Variants in WWOX observed in about 807,000 individuals in gnomAD.
WWOX encodes the protein WW domain-containing oxidoreductase.
In WWOX, 69 loss-of-function variants were observed where a neutral mutation model predicts 46.2. The observed-to-expected ratio is 1.49, with a 90% CI of 1.23 to 1.82. WWOX has a LOEUF of 1.82. WWOX is among the 40% of genes most tolerant of loss of function. WWOX has a pLI of 0.00. For synonymous variants in WWOX, 359 were observed against 202.6 expected, an observed-to-expected ratio of 1.77 and a Z score of -6.56; for missense variants, 919 against 542.6, an observed-to-expected ratio of 1.69 and a Z score of -6.89.
chr16:78,458,996 T>C (rs975090567), intron 8 of WWOX, among the ~76,000 whole-genome samples: 1 of 152,234 alleles, frequency 6.6e-6, no homozygotes, highest in Non-Finnish European at 1.5e-5. Flanking sequence ...CCCAGGCTAG[T>C]TGGTCCTATT....
intron 8 of WWOX, among the ~76,000 whole-genome samples, chr16:78,837,571 A>C (rs554892904): frequency 4.6e-5 from 7 of 152,150 alleles, no homozygotes; most frequent in Non-Finnish European, 8.8e-5. Context: ...ATTTTCTAGC[A>C]GTGCAAGATT....
chr16:78,808,650 C>T (rs529474360), intron 8 of WWOX, among the ~76,000 whole-genome samples: 3 of 152,300 alleles, frequency 2.0e-5, no homozygotes, highest in African/African-American at 7.2e-5. Flanking sequence ...AACATGCCAT[C>T]ATCTTTAATT....
intron 8 of WWOX, among the ~76,000 whole-genome samples, chr16:78,758,673 G>A (rs1021346939): frequency 2.0e-5 from 3 of 152,050 alleles, no homozygotes; most frequent in South Asian, 2.1e-4. Context: ...GGTTCCAATC[G>A]TGTCCCCTTT....
intron 5 of WWOX, among the ~76,000 whole-genome samples, chr16:78,294,587 G>C (rs1349563363): frequency 1.3e-5 from 2 of 152,050 alleles, no homozygotes; most frequent in African/African-American, 4.8e-5. Context: ...ATCTATTTGT[G>C]TGTGTATGTA....
Position 78,122,280 on chromosome 16 carries a change from C to G in WWOX, c.409+7126C>G, listed in dbSNP as rs544465122. On this transcript the variant is annotated intron_variant, in intron 4 of 8. Transcript: ENST00000566780. ...ACTGTCAGTGTGAACCTGATTAGAT[C>G]TCAACTGAAACTTTTTTGTCACATG... 7.2e-5 allele frequency among the ~76,000 whole-genome samples: 11 copies of G among 152,290 alleles called. No homozygotes were observed. In the South Asian group the frequency reaches 2.3e-3, roughly 32 times the overall value.
chr16:78,929,254 A>AT (rs58425003), intron 8 of WWOX, among the ~76,000 whole-genome samples: 12,864 of 149,702 alleles, frequency 0.086, 612 homozygotes, highest in Non-Finnish European at 0.1. Flanking sequence ...TCATACAGTG[A>AT]TTTTTTTTTT....
intron 8 of WWOX, among the ~76,000 whole-genome samples, chr16:79,018,199 A>G (rs2047456111): frequency 6.6e-6 from 1 of 152,180 alleles, no homozygotes; most frequent in African/African-American, 2.4e-5. Flanking sequence ...TTGAGTCCCT[A>G]GTTATTTTGC....
intron 8 of WWOX, among the ~76,000 whole-genome samples, chr16:78,689,267 G>T (rs2047932295): frequency 1.3e-5 from 2 of 152,342 alleles, no homozygotes; most frequent in Admixed American, 1.3e-4. Context: ...TTGCCAAACT[G>T]TGCTTTGCAC....
intron 8 of WWOX, among the ~76,000 whole-genome samples, chr16:78,514,004 C>G (rs1040467546): frequency 2.0e-5 from 3 of 149,038 alleles, no homozygotes; most frequent in African/African-American, 7.6e-5. Flanking sequence ...CACAGTGTTG[C>G]GAAAGAATAG....
intron 8 of WWOX, among the ~76,000 whole-genome samples, chr16:79,112,217 C>T (rs1454500749): frequency 6.6e-6 from 1 of 152,104 alleles, no homozygotes; most frequent in Non-Finnish European, 1.5e-5. Context: ...GCCAAACAGA[C>T]TCTTGGTTTG....
chr16:78,280,962 A>G (rs939982257), intron 5 of WWOX: 2 of 152,974 alleles, frequency 1.3e-5, no homozygotes, highest in African/African-American at 4.8e-5. Flanking sequence ...CAGGAATGCT[A>G]CATTTTCTCG....
At chr16:78,671,739 A>C (rs1212930694) in intron 8 of WWOX, among the ~76,000 whole-genome samples, 1 of 152,240 alleles carries the variant, frequency 6.6e-6, no homozygotes, top group Admixed American at 6.5e-5. Context: ...TACTATTTAG[A>C]ATGCTATTAT....
intron 7 of WWOX, among the ~76,000 whole-genome samples, chr16:78,428,620 C>A (rs1312787127): frequency 6.6e-6 from 1 of 152,182 alleles, no homozygotes; most frequent in Admixed American, 6.5e-5. Context: ...AAATGACTTT[C>A]TCCTCTTAGA....
chr16:78,904,502 G>C (rs2044911232), intron 8 of WWOX, among the ~76,000 whole-genome samples: 2 of 152,130 alleles, frequency 1.3e-5, no homozygotes, highest in South Asian at 4.2e-4. Flanking sequence ...CTCCCAAAGT[G>C]CTGGGATTAC....
At chr16:78,992,341 C>G (rs1023868168) in intron 8 of WWOX, among the ~76,000 whole-genome samples, 5 of 152,056 alleles carry the variant, frequency 3.3e-5, no homozygotes, top group Non-Finnish European at 1.5e-5. Flanking sequence ...GTGGTGGGTG[C>G]CTGCAATCCC....
intron 8 of WWOX, among the ~76,000 whole-genome samples, chr16:79,127,462 C>G (rs2049782595): frequency 6.6e-6 from 1 of 152,150 alleles, no homozygotes; most frequent in Admixed American, 6.6e-5. Flanking sequence ...TTAACAACTG[C>G]TGAGTATTAC....
chr16:78,337,370 G>C (rs2080916479), intron 5 of WWOX, among the ~76,000 whole-genome samples: 1 of 152,164 alleles, frequency 6.6e-6, no homozygotes, highest in African/African-American at 2.4e-5. Context: ...TGAGCATATA[G>C]TACATGCTGT....
intron 5 of WWOX, among the ~76,000 whole-genome samples, chr16:78,358,931 G>T (rs1165981259): frequency 1.5e-5 from 2 of 132,502 alleles, no homozygotes; most frequent in Non-Finnish European, 3.1e-5. Flanking sequence ...CATACTGTTT[G>T]GCAGTACAGT....
intron 8 of WWOX, among the ~76,000 whole-genome samples, chr16:78,902,994 C>T (rs145103999): frequency 4.6e-5 from 7 of 152,220 alleles, no homozygotes; most frequent in East Asian, 3.9e-4. Flanking sequence ...GGAGGGTGTC[C>T]GGGTTCTTGG....
Sources: gnomAD v4.1 joint callset for allele counts (sites outside exome capture counted in the v4.1 genomes callset) on GRCh38, gnomAD v4.1.1 for gene constraint, MANE v1.5 for transcripts, NCBI Gene and HGNC (gene_info 2026-07-23, HGNC 2026-07-21) for gene names.